Variants in DCBLD2 observed in about 807,000 individuals in gnomAD.
The protein encoded by DCBLD2 is discoidin, CUB and LCCL domain containing 2.
DCBLD2 carries 54 observed loss-of-function variants against 86.8 expected under a neutral mutation model. The observed-to-expected ratio is 0.62, with a 90% confidence interval of 0.50 to 0.78. The LOEUF (loss-of-function observed/expected upper bound fraction) is 0.78, where lower values mean the gene tolerates loss of function less well. DCBLD2 is among the 30% of genes least tolerant of loss of function. The pLI is 0.00. For synonymous variants in DCBLD2, 354 were observed against 341.3 expected (o/e 1.04, Z -0.41); for missense variants, 908 against 954.2 (o/e 0.95, Z 0.64).
At chr3:98,900,999 G>C in intron 1 of DCBLD2, 123 bp downstream of exon 1, 1 of 1,487,352 alleles carries the variant, frequency 6.7e-7, no homozygotes, top group Non-Finnish European at 9.0e-7. Flanking sequence ...TACCCAGCCA[G>C]GTCCGGCCAC....
Position 98,799,378 on chromosome 3 carries a change from G to A in DCBLD2, c.2322C>T (p.Ile774=). The change falls in exon 16 of 16, where the codon ATC becomes ATT. Residue 774 remains isoleucine (I), a synonymous_variant. Coordinates refer to ENST00000326840, the MANE Select transcript of DCBLD2 (RefSeq NM_080927.4). ...RDGECDVFKE[I]L Reference sequence around the variant, plus strand: ...GTAAAAAGCAGCATCATCTTCAAAGGATTTCTTTAAAAACATCACATTCCC... The same window carrying A: ...GTAAAAAGCAGCATCATCTTCAAAGAATTTCTTTAAAAACATCACATTCCC... 1 of 1,604,052 alleles carries A rather than the reference G, an allele frequency of 6.2e-7. No individual in the cohort carries two copies. The highest frequency in any genetic ancestry group is 8.5e-7 in the Non-Finnish European group (1 of 1,174,086).
chr3:98,858,735 G>T (rs1942983341), intron 2 of DCBLD2, among the ~76,000 whole-genome samples: 1 of 152,124 alleles, frequency 6.6e-6, no homozygotes, highest in South Asian at 2.1e-4. Flanking sequence ...AAAGACCTAA[G>T]TAGGCATTTT....
chr3:98,883,840 G>A (rs1451333988), intron 1 of DCBLD2, among the ~76,000 whole-genome samples: 2 of 152,074 alleles, frequency 1.3e-5, no homozygotes, highest in African/African-American at 4.8e-5. Flanking sequence ...GGCTGTAATA[G>A]AACTTTCTAC....
At chr3:98,896,066 C>T (rs1943745322) in intron 1 of DCBLD2, among the ~76,000 whole-genome samples, 1 of 152,196 alleles carries the variant, frequency 6.6e-6, no homozygotes. Flanking sequence ...GTTGAGGGAA[C>T]GTGCATCTTG....
chr3:98,804,525 GT>G (rs1197562104), intron 13 of DCBLD2, among the ~76,000 whole-genome samples: 4 of 152,140 alleles, frequency 2.6e-5, no homozygotes, highest in Admixed American at 6.5e-5. Flanking sequence ...TTTTTGAAGG[GT>G]TTTTTGTCTC....
Position 98,855,113 on chromosome 3 carries a change from C to T in DCBLD2, c.434-5515G>A, listed in dbSNP as rs139899292. ...CTACATCTAAAAAGAACCCATTACCCGAATATATACAGAACTCCAACAAAT... is the reference window on the plus strand; with the variant it reads ...CTACATCTAAAAAGAACCCATTACCTGAATATATACAGAACTCCAACAAAT... On this transcript the variant is annotated intron_variant, in intron 2 of 15. Transcript: ENST00000326840. Among the ~76,000 whole-genome samples, 817 of 152,022 alleles carry T rather than the reference C, an allele frequency of 5.4e-3. 6 individuals are homozygous for T. The highest frequency in any genetic ancestry group is 0.019 in the African/African-American group (772 of 41,458).
intron 3 of DCBLD2, among the ~76,000 whole-genome samples, chr3:98,836,066 A>G (rs796920468): frequency 2.9e-4 from 38 of 129,168 alleles, no homozygotes; most frequent in African/African-American, 6.1e-4. Flanking sequence ...GTGTGTGTGT[A>G]TGTGTGTGTG....
At position 98,879,854 on chromosome 3, in the gene DCBLD2, G is replaced by A. The variant is rs557002260; in HGVS notation, c.433+1686C>T. Among the ~76,000 whole-genome samples, 7 of 152,256 alleles carry A rather than the reference G, an allele frequency of 4.6e-5. No homozygotes were observed. The East Asian group carries it at 1.4e-3, about 29-fold the overall frequency. On this transcript the variant is annotated intron_variant, in intron 2 of 15. Transcript: ENST00000326840. ...CTTAATTTAGTCCTTACACTCAGTA[G>A]AATGTATTTCTCTATCTCCCTTATC...
At chr3:98,862,470 A>G (rs568827359) in intron 2 of DCBLD2, among the ~76,000 whole-genome samples, 1 of 152,246 alleles carries the variant, frequency 6.6e-6, no homozygotes, top group African/African-American at 2.4e-5. Flanking sequence ...AAAATCCTCA[A>G]TAAAATACTG....
intron 13 of DCBLD2, among the ~76,000 whole-genome samples, chr3:98,803,055 C>A (rs1484073242): frequency 2.6e-5 from 4 of 152,048 alleles, no homozygotes; most frequent in Non-Finnish European, 5.9e-5. Context: ...TCTATATGAA[C>A]TTTAAAGTAG....
chr3:98,822,848 CA>C, intron 4 of DCBLD2, 107 bp from the exon 5 acceptor site: 1 of 855,250 alleles, frequency 1.2e-6, no homozygotes, highest in Non-Finnish European at 1.8e-6. Context: ...AGGTGAATAC[CA>C]TAATTTCACT....
At chr3:98,845,814 C>A (rs868677888) in intron 3 of DCBLD2, among the ~76,000 whole-genome samples, 4 of 152,180 alleles carry the variant, frequency 2.6e-5, no homozygotes, top group Non-Finnish European at 5.9e-5. Flanking sequence ...GGTTTTTGCA[C>A]CTGCTGTTCC....
intron 3 of DCBLD2, among the ~76,000 whole-genome samples, chr3:98,830,900 T>C (rs1346910307): frequency 6.6e-6 from 1 of 152,210 alleles, no homozygotes; most frequent in African/African-American, 2.4e-5. Flanking sequence ...GTTTGTGTCA[T>C]CTCTGATTTC....
At chr3:98,833,713 T>A (rs1942367661) in intron 3 of DCBLD2, among the ~76,000 whole-genome samples, 1 of 151,948 alleles carries the variant, frequency 6.6e-6, no homozygotes, top group African/African-American at 2.4e-5. Context: ...CACTTTTTGG[T>A]GAGATGGGTA....
At chr3:98,870,736 A>AAAAAGAAAGAAAGAAAGAAAGAAAG (rs1943251654) in intron 2 of DCBLD2, among the ~76,000 whole-genome samples, 2 of 84,614 alleles carry the variant, frequency 2.4e-5, no homozygotes, top group African/African-American at 4.9e-5. Flanking sequence ...GAAAAGAAAG[A>AAAAAGAAAGAAAGAAAGAAAGAAAG]AAAAGAAAGA....
chr3:98,821,643 CTTT>C (rs766607408), intron 6 of DCBLD2, among the ~76,000 whole-genome samples: 1 of 151,888 alleles, frequency 6.6e-6, no homozygotes, highest in Non-Finnish European at 1.5e-5. Flanking sequence ...CTTATGTAGA[CTTT>C]TTTTTAACAC....
Position 98,861,839 on chromosome 3 carries a change from T to C in DCBLD2, c.434-12241A>G, listed in dbSNP as rs187437603. ...AACTAGAGAAGCAAGAGCAAACACA[T>C]TCAAAAGCTAGCAGAAGGCAAGAAA... is the stretch of plus-strand genomic sequence containing the variant. On this transcript the variant is annotated intron_variant, in intron 2 of 15. Coordinates refer to ENST00000326840, the MANE Select transcript of DCBLD2 (RefSeq NM_080927.4). Among the ~76,000 whole-genome samples, 376 of 151,978 alleles carry C rather than the reference T, an allele frequency of 2.5e-3. 7 individuals are homozygous for C. Among genetic ancestry groups the C allele is most frequent in the African/African-American group, 8.8e-3 (366 of 41,430 alleles).
At chr3:98,893,737 A>G (rs370045971) in intron 1 of DCBLD2, among the ~76,000 whole-genome samples, 1 of 152,360 alleles carries the variant, frequency 6.6e-6, no homozygotes, top group African/African-American at 2.4e-5. Context: ...AAGTGCCATC[A>G]AAGTGTAAAG....
intron 2 of DCBLD2, among the ~76,000 whole-genome samples, chr3:98,870,042 G>A (rs778848349): frequency 1.3e-5 from 2 of 152,226 alleles, no homozygotes; most frequent in African/African-American, 2.4e-5. Context: ...GCAGCCGCAA[G>A]TGCCACTGGT....
Sources: gnomAD v4.1 joint callset for allele counts (sites outside exome capture counted in the v4.1 genomes callset) on GRCh38, gnomAD v4.1.1 for gene constraint, MANE v1.5 for transcripts, NCBI Gene and HGNC (gene_info 2026-07-23, HGNC 2026-07-21) for gene names.